The following RIPK1 variants were observed in gnomAD, a reference collection of about 807,000 sequenced individuals.
The protein encoded by RIPK1 is receptor interacting serine/threonine kinase 1.
Under a neutral mutation model 62.4 loss-of-function variants are expected in RIPK1, and 27 were observed. The ratio of observed to expected loss-of-function variants is 0.43; its 90% CI spans 0.32 to 0.60. RIPK1 has a LOEUF of 0.60. Ranked by LOEUF, RIPK1 falls within the 20% of genes least tolerant of loss-of-function variation. The pLI is 0.07. For missense variants in RIPK1, 735 were observed against 831.0 expected, an observed-to-expected ratio of 0.88 and a Z score of 1.42; for synonymous variants, 287 against 303.2, an observed-to-expected ratio of 0.95 and a Z score of 0.55.
At chr6:3,084,081 C>G (rs17548370) in intron 5 of RIPK1, among the ~76,000 whole-genome samples, 3,380 of 152,242 alleles carry the variant, frequency 0.022, 126 homozygotes, top group African/African-American at 0.077. Flanking sequence ...CCTGTGAATT[C>G]AAGATATATG....
Position 3,115,110 on chromosome 6 carries a change from A to G in RIPK1, c.*1771A>G, listed in dbSNP as rs527661114. 5 of 152,174 alleles carry G rather than the reference A, an allele frequency of 3.3e-5. No homozygotes were observed. Among genetic ancestry groups the G allele is most frequent in the African/African-American group, 1.2e-4 (5 of 41,498 alleles). The allele number at this position is 152,174 out of a possible 1,614,324, so 9.4% of individuals were successfully genotyped here. ...TTATCAAATCTCTTAGATTCCAAAGAGGTTGAATAATTAATGTTCAAAGGC... is the reference window on the plus strand; with the variant it reads ...TTATCAAATCTCTTAGATTCCAAAGGGGTTGAATAATTAATGTTCAAAGGC... On this transcript the variant is annotated 3_prime_UTR_variant, in exon 11 of 11. Coordinates refer to ENST00000259808, the MANE Select transcript of RIPK1 (RefSeq NM_001354930.2).
In RIPK1 at chr6:3,077,806, G is replaced by A. The variant is rs1420604286; in HGVS notation, c.192G>A (p.Ala64=). The A allele has an allele frequency of 2.5e-6, 4 of 1,614,210 alleles. No homozygotes were observed. Among genetic ancestry groups the A allele is most frequent in the Non-Finnish European group, 3.4e-6 (4 of 1,180,034 alleles). ...IEHNEALLEE[A]KMMNRLRHSR... ...ACAACGAGGCCCTCTTGGAGGAGGC[G>A]AAGATGATGAACAGACTGAGACACA... The change falls in exon 3 of 11, where the codon GCG becomes GCA. Residue 64 remains alanine, a synonymous_variant. Transcript: ENST00000259808.
rs912182996 is a variant in RIPK1 at position 3,072,621 on chromosome 6, G to A, written c.-61+3960G>A. ...GGTTCTGCTAGGCTCTGGAGATGGTGCACAAGACAAGTTTCCTGCCTTCTG... is the reference window on the plus strand; with the variant it reads ...GGTTCTGCTAGGCTCTGGAGATGGTACACAAGACAAGTTTCCTGCCTTCTG... On this transcript the variant is annotated intron_variant, in intron 1 of 10. Coordinates refer to ENST00000259808, the MANE Select transcript of RIPK1 (RefSeq NM_001354930.2). The surrounding 1 kb of genome is among the most constrained non-coding windows in gnomAD (Gnocchi z 5.6). Among the ~76,000 whole-genome samples the A allele has an allele frequency of 2.0e-5, 3 of 152,106 alleles. No homozygotes were observed. The highest frequency in any genetic ancestry group is 2.0e-4 in the Admixed American group (3 of 15,270).
chr6:3,080,971 T>C lies in RIPK1; in HGVS notation c.322-8T>C. 3.1e-6 allele frequency: 5 copies of C among 1,612,484 alleles called. No individual in the cohort carries two copies. The highest frequency in any genetic ancestry group is 4.2e-6 in the Non-Finnish European group (5 of 1,179,116). ...TCCATTTCATAGACTTAATATCACT[T>C]GTTTTAGATGAGTACTCCGCTTTCT... On this transcript the variant is annotated splice_polypyrimidine_tract_variant and splice_region_variant and intron_variant, in intron 3 of 10. Coordinates refer to ENST00000259808, the MANE Select transcript of RIPK1 (RefSeq NM_001354930.2).
intron 9 of RIPK1, 91 bp downstream of exon 9, chr6:3,106,142 T>A: frequency 9.8e-7 from 1 of 1,015,764 alleles, no homozygotes; most frequent in Non-Finnish European, 1.4e-6. Context: ...TTGTGGGTTA[T>A]AATGGGGACA....
chr6:3,077,049 T>C (rs938991404), intron 2 of RIPK1, 62 bp downstream of exon 2: 2 of 1,478,456 alleles, frequency 1.4e-6, no homozygotes, highest in Non-Finnish European at 1.8e-6. Context: ...TTGGCTGTTG[T>C]GGAGCCGTTG....
At chr6:3,071,114 A>T (rs1200858811) in intron 1 of RIPK1, among the ~76,000 whole-genome samples, 1 of 152,210 alleles carries the variant, frequency 6.6e-6, no homozygotes, top group Non-Finnish European at 1.5e-5. Context: ...ATCCAGGCAA[A>T]GCATCAGGCT....
chr6:3,074,698 C>T (rs1758958487), intron 1 of RIPK1, among the ~76,000 whole-genome samples: 1 of 144,500 alleles, frequency 6.9e-6, no homozygotes, highest in African/African-American at 2.6e-5. Flanking sequence ...TTTTTTGAGA[C>T]AGAGTCTCAC....
In RIPK1 at chr6:3,072,837, C is replaced by T. The variant is rs1758802894; in HGVS notation, c.-60-3927C>T. ...ATGGAATGGGGAAGGCTTCACAGTT[C>T]TGCCTGCTCCAGTGATGTGTAGTGA... is the stretch of plus-strand genomic sequence containing the variant. On this transcript the variant is annotated intron_variant, in intron 1 of 10. Coordinates refer to ENST00000259808, the MANE Select transcript of RIPK1 (RefSeq NM_001354930.2). The surrounding 1 kb of genome is among the most constrained non-coding windows in gnomAD (Gnocchi z 5.6). Among the ~76,000 whole-genome samples, 1 of 152,178 alleles carries T rather than the reference C, an allele frequency of 6.6e-6. No homozygotes were observed. Among genetic ancestry groups the T allele is most frequent in the Non-Finnish European group, 1.5e-5 (1 of 68,028 alleles).
chr6:3,077,701 T>C, intron 2 of RIPK1, 78 bp from the exon 3 acceptor site: 3 of 1,465,298 alleles, frequency 2.0e-6, no homozygotes, highest in Non-Finnish European at 2.8e-6. Flanking sequence ...CACGTGGGAG[T>C]GATGTGTTGG....
rs1491372194 is a variant in RIPK1, at chr6:3,072,405, A to ATATAT, written c.-61+3744_-61+3745insTATAT. On this transcript the variant is annotated intron_variant, in intron 1 of 10. Coordinates refer to ENST00000259808, the MANE Select transcript of RIPK1 (RefSeq NM_001354930.2). This position sits in a 1 kb window ranked among gnomAD's most constrained non-coding sequence, Gnocchi z 5.6. Reference sequence around the variant, plus strand: ...TATCTATTTACATATATATATATATAAAACACACACAAATGTGAATATAAT... The same window carrying ATATAT: ...TATCTATTTACATATATATATATATATATATAAACACACACAAATGTGAATATAAT... Among the ~76,000 whole-genome samples the ATATAT allele has an allele frequency of 4.0e-5, 6 of 149,412 alleles. No homozygotes were observed. The highest frequency in any genetic ancestry group is 2.1e-4 in the South Asian group (1 of 4,720).
chr6:3,084,716 C>G (rs1044729556), intron 5 of RIPK1, among the ~76,000 whole-genome samples: 1 of 151,916 alleles, frequency 6.6e-6, no homozygotes, highest in South Asian at 2.1e-4. Flanking sequence ...GCCTCAGCCT[C>G]CCGAGTAGCT....
intron 7 of RIPK1, among the ~76,000 whole-genome samples, chr6:3,095,520 G>C (rs1760244130): frequency 6.6e-6 from 1 of 152,152 alleles, no homozygotes; most frequent in Non-Finnish European, 1.5e-5. Flanking sequence ...GACCAATCTT[G>C]TTTAACAGTA....
At chr6:3,068,762 C>G in intron 1 of RIPK1, 101 bp downstream of exon 1, 1 of 697,718 alleles carries the variant, frequency 1.4e-6, no homozygotes, top group Non-Finnish European at 1.8e-6. Context: ...CCAGCACGCC[C>G]GGGCAAGGCT....
intron 7 of RIPK1, among the ~76,000 whole-genome samples, chr6:3,097,676 T>C (rs1034017219): frequency 1.3e-5 from 2 of 152,148 alleles, no homozygotes; most frequent in African/African-American, 4.8e-5. Flanking sequence ...ATCCTCAGGG[T>C]AGGGGATCCT....
At chr6:3,077,089 G>C (rs1759108320) in intron 2 of RIPK1, 102 bp downstream of exon 2, 11 of 1,102,986 alleles carry the variant, frequency 1.0e-5, no homozygotes, top group Non-Finnish European at 1.4e-5. Context: ...TGGGTAGAGT[G>C]AGAGGGAGCC....
chr6:3,068,555 C>T lies in RIPK1; in HGVS notation c.-167C>T. 1 of 985,256 alleles carries T rather than the reference C, an allele frequency of 1.0e-6. No individual in the cohort carries two copies. The highest frequency in any genetic ancestry group is 4.7e-5 in the South Asian group (1 of 21,290). The allele number at this position is 985,256 out of a possible 1,614,324, so 61.0% of individuals were successfully genotyped here. Reference sequence around the variant, plus strand: ...CGGCGGGCCAGCTGCCGGAGCGCGGCGACTCCAGGGGACCCACAGCTGGGG... The same window carrying T: ...CGGCGGGCCAGCTGCCGGAGCGCGGTGACTCCAGGGGACCCACAGCTGGGG... On this transcript the variant is annotated 5_prime_UTR_variant, in exon 1 of 11. Transcript: ENST00000259808.
chr6:3,065,148 T>C (rs1437355613), upstream of RIPK1, among the ~76,000 whole-genome samples: 1 of 150,902 alleles, frequency 6.6e-6, no homozygotes, highest in Non-Finnish European at 1.5e-5. Flanking sequence ...TCCCAGCTAC[T>C]CGGGAGGCTG....
At chr6:3,067,051 A>T (rs371696404), upstream of RIPK1, among the ~76,000 whole-genome samples, 51 of 59,040 alleles carry the variant, frequency 8.6e-4, no homozygotes, top group Admixed American at 2.6e-3. Flanking sequence ...TTGCTCCAGG[A>T]TTTTTTTTTT....
Sources: allele counts gnomAD v4.1 joint callset (sites outside exome capture counted in the v4.1 genomes callset), GRCh38; gene constraint gnomAD v4.1.1; non-coding constraint Gnocchi (gnomAD v3.1); transcripts MANE v1.5; gene names NCBI Gene and HGNC (gene_info 2026-07-23, HGNC 2026-07-21).